The following FMNL2 variants were observed in gnomAD, a reference collection of about 807,000 sequenced individuals.
FMNL2 encodes formin-like protein 2.
Under a neutral mutation model 130.2 loss-of-function variants are expected in FMNL2, and 51 were observed. That is an observed-to-expected ratio of 0.39 (90% CI 0.31 to 0.49). The LOEUF (loss-of-function observed/expected upper bound fraction) is 0.49. FMNL2 is among the 20% of genes least tolerant of loss of function. The pLI is 0.85. For missense variants in FMNL2, 977 were observed against 1,316.2 expected, an observed-to-expected ratio of 0.74 and a Z score of 3.99; for synonymous variants, 465 against 467.1, an observed-to-expected ratio of 1.00 and a Z score of 0.06.
chr2:152,550,598 C>T (rs72868244), intron 4 of FMNL2, among the ~76,000 whole-genome samples: 21,946 of 152,148 alleles, frequency 0.14, 1,674 homozygotes, highest in Middle Eastern at 0.21. Context: ...TGCTGGCAGC[C>T]GTTTCCCTGA....
intron 1 of FMNL2, among the ~76,000 whole-genome samples, chr2:152,419,531 A>G (rs1180398232): frequency 6.6e-6 from 1 of 152,152 alleles, no homozygotes; most frequent in East Asian, 1.9e-4. Context: ...ATGAGTGGTT[A>G]CCAGGGGCTG....
At chr2:152,516,749 A>G (rs1419744819) in intron 1 of FMNL2, among the ~76,000 whole-genome samples, 1 of 152,112 alleles carries the variant, frequency 6.6e-6, no homozygotes, top group Admixed American at 6.6e-5. Flanking sequence ...TTGCTACCAC[A>G]TAGGTCTATT....
intron 9 of FMNL2, among the ~76,000 whole-genome samples, chr2:152,599,437 T>TTTTTA (rs1553484499): frequency 8.3e-5 from 11 of 132,242 alleles, no homozygotes; most frequent in Non-Finnish European, 1.3e-4. Flanking sequence ...TTTTTTTTTT[T>TTTTTA]AGAGAGGTAG....
At chr2:152,556,830 A>C (rs1369603367) in intron 4 of FMNL2, among the ~76,000 whole-genome samples, 4 of 152,070 alleles carry the variant, frequency 2.6e-5, no homozygotes, top group African/African-American at 9.7e-5. Flanking sequence ...GTGTGTTCTT[A>C]TGGGCCACTG....
In FMNL2 at chr2:152,631,986, C is replaced by T. The variant is rs367543294; in HGVS notation, c.2551-22C>T. 5.6e-6 allele frequency: 9 copies of T among 1,605,648 alleles called. No individual in the cohort carries two copies. The African/African-American group carries it at 1.2e-4, about 22-fold the overall frequency. The stretch of plus-strand genomic sequence containing the variant: ...GTTACCCTTTACTCTTGTACCTAAC[C>T]CACGTTCCCTTTTGTTTTCAGCTCT... On this transcript the variant is annotated intron_variant, in intron 20 of 25. Transcript: ENST00000288670.
At chr2:152,472,731 CA>C (rs1689927637) in intron 1 of FMNL2, among the ~76,000 whole-genome samples, 1 of 152,306 alleles carries the variant, frequency 6.6e-6, no homozygotes, top group African/African-American at 2.4e-5. Context: ...GTCTCATTTG[CA>C]ATCACATAGT....
At chr2:152,508,343 T>C (rs1205441106) in intron 1 of FMNL2, among the ~76,000 whole-genome samples, 1 of 152,206 alleles carries the variant, frequency 6.6e-6, no homozygotes, top group Non-Finnish European at 1.5e-5. Context: ...CACTTCTCTA[T>C]AAAACCTAAT....
chr2:152,484,501 G>C (rs1400687546), intron 1 of FMNL2, among the ~76,000 whole-genome samples: 1 of 151,976 alleles, frequency 6.6e-6, no homozygotes, highest in Admixed American at 6.6e-5. Flanking sequence ...GCTGGAAGTG[G>C]TGGTGCCTAC....
intron 4 of FMNL2, among the ~76,000 whole-genome samples, chr2:152,554,629 C>G (rs1215779388): frequency 1.3e-5 from 2 of 152,166 alleles, no homozygotes; most frequent in African/African-American, 4.8e-5. Context: ...TATTGAGAAG[C>G]TGTCAAACTG....
chr2:152,621,026 A>G, intron 15 of FMNL2: 1 of 985,418 alleles, frequency 1.0e-6, no homozygotes, highest in Non-Finnish European at 1.2e-6. Flanking sequence ...TGGACTATGG[A>G]ATATAAACAG....
chr2:152,643,421 C>T, intron 25 of FMNL2: 1 of 1,536,068 alleles, frequency 6.5e-7, no homozygotes, highest in South Asian at 1.2e-5. Context: ...CAATGCAGTG[C>T]TGAAGACTGT....
At chr2:152,465,406 C>T (rs1689474210) in intron 1 of FMNL2, among the ~76,000 whole-genome samples, 1 of 152,106 alleles carries the variant, frequency 6.6e-6, no homozygotes, top group Non-Finnish European at 1.5e-5. Context: ...CTGGGATGTT[C>T]CTGGTCAGTG....
intron 25 of FMNL2, among the ~76,000 whole-genome samples, 170 bp downstream of exon 25, chr2:152,641,084 T>C (rs963966884): frequency 2.6e-5 from 4 of 152,204 alleles, no homozygotes; most frequent in African/African-American, 9.7e-5. Context: ...TACAGCAGCA[T>C]GTATACTGCC....
intron 1 of FMNL2, among the ~76,000 whole-genome samples, chr2:152,389,767 A>G (rs1684996400): frequency 6.6e-6 from 1 of 152,158 alleles, no homozygotes; most frequent in South Asian, 2.1e-4. Context: ...GCTTGTGAAC[A>G]CTTTCTTCAG....
intron 9 of FMNL2, among the ~76,000 whole-genome samples, chr2:152,606,776 T>G (rs1486867577): frequency 6.6e-6 from 1 of 151,902 alleles, no homozygotes. Context: ...GTTTCAGGAT[T>G]CTGGGATGCT....
At chr2:152,560,518 T>C (rs1316751278) in intron 5 of FMNL2, among the ~76,000 whole-genome samples, 1 of 152,208 alleles carries the variant, frequency 6.6e-6, no homozygotes, top group Admixed American at 6.5e-5. Flanking sequence ...GCCTAACATA[T>C]TGACTTGTTA....
At chr2:152,565,625 T>C (rs902235886) in intron 6 of FMNL2, among the ~76,000 whole-genome samples, 10 of 152,204 alleles carry the variant, frequency 6.6e-5, no homozygotes, top group Non-Finnish European at 1.0e-4. Flanking sequence ...ATGCCCATAG[T>C]TTACATATTC....
At chr2:152,407,790 T>A (rs1217767706) in intron 1 of FMNL2, among the ~76,000 whole-genome samples, 1 of 152,202 alleles carries the variant, frequency 6.6e-6, no homozygotes, top group Non-Finnish European at 1.5e-5. Flanking sequence ...TTCTTCATCT[T>A]CCAGGGAGAA....
intron 1 of FMNL2, among the ~76,000 whole-genome samples, chr2:152,374,919 G>T (rs1202278586): frequency 6.6e-6 from 1 of 152,154 alleles, no homozygotes; most frequent in East Asian, 1.9e-4. Flanking sequence ...GTGTGAGTTC[G>T]TGGTATGTAT....
Sources: allele counts gnomAD v4.1 joint callset (sites outside exome capture counted in the v4.1 genomes callset), GRCh38; gene constraint gnomAD v4.1.1; transcripts MANE v1.5; gene names NCBI Gene and HGNC (gene_info 2026-07-23, HGNC 2026-07-21).